Variants in RASGEF1C observed in about 807,000 individuals in gnomAD.
RASGEF1C encodes the protein RasGEF domain family member 1C, also known as ras-GEF domain-containing family member 1C.
Under a neutral mutation model 58.1 loss-of-function variants are expected in RASGEF1C, and 27 were observed. That is an observed-to-expected ratio of 0.46 (90% CI 0.34 to 0.64). RASGEF1C has a LOEUF of 0.64. Ranked by LOEUF, RASGEF1C falls within the 30% of genes least tolerant of loss-of-function variation. The pLI is 0.01. For missense variants in RASGEF1C, 502 were observed against 605.1 expected (o/e 0.83, Z 1.79); for synonymous variants, 243 against 246.3 (o/e 0.99, Z 0.13).
At chr5:180,127,740 A>C (rs1766288360) in intron 5 of RASGEF1C, 57 bp from the exon 6 acceptor site, 30 of 1,532,028 alleles carry the variant, frequency 2.0e-5, no homozygotes, top group Non-Finnish European at 2.6e-5. Context: ...GGGGGTGTCC[A>C]CTGGGGGGCC....
chr5:180,125,842 A>G (rs1766247741), intron 6 of RASGEF1C, among the ~76,000 whole-genome samples: 1 of 152,166 alleles, frequency 6.6e-6, no homozygotes, highest in Non-Finnish European at 1.5e-5. Context: ...TATAATCCAT[A>G]TAACCAAAAG....
At chr5:180,206,059 TC>T (rs1238075559) in intron 1 of RASGEF1C, among the ~76,000 whole-genome samples, 1 of 151,388 alleles carries the variant, frequency 6.6e-6, no homozygotes, top group Non-Finnish European at 1.5e-5. Flanking sequence ...ATATATTTTT[TC>T]TCTCTCTCTC....
At chr5:180,112,315 C>T (rs1765971721) in intron 11 of RASGEF1C, among the ~76,000 whole-genome samples, 1 of 152,238 alleles carries the variant, frequency 6.6e-6, no homozygotes, top group Admixed American at 6.5e-5. Context: ...CTAACAAGGC[C>T]TGTGGGTAGC....
chr5:180,159,708 T>C (rs1383304512), intron 1 of RASGEF1C, among the ~76,000 whole-genome samples: 7 of 152,228 alleles, frequency 4.6e-5, no homozygotes, highest in African/African-American at 1.4e-4. Context: ...CCCCCTTAAC[T>C]GATCCACAGG....
rs963612856 is a variant in RASGEF1C at position 180,168,692 on chromosome 5, G to T, written c.-6-30634C>A. Among the ~76,000 whole-genome samples the T allele has an allele frequency of 1.3e-5, 2 of 152,204 alleles. No homozygotes were observed. Among genetic ancestry groups the T allele is most frequent in the African/African-American group, 4.8e-5 (2 of 41,446 alleles). On this transcript the variant is annotated intron_variant, in intron 1 of 13. Transcript: ENST00000361132. This position sits in a 1 kb window ranked among gnomAD's most constrained non-coding sequence, Gnocchi z 6.0. The stretch of plus-strand genomic sequence containing the variant: ...GGCAACAGCTCCTCCCCTCAGAGAG[G>T]AAGGCCTCGCCCTCTTGGAATTCTG...
chr5:180,118,540 A>C (rs1269476806), intron 10 of RASGEF1C, 69 bp downstream of exon 10: 3 of 1,365,536 alleles, frequency 2.2e-6, no homozygotes, highest in Non-Finnish European at 2.0e-6. Flanking sequence ...GAGCTGCAGC[A>C]AGTGAACTCT....
intron 11 of RASGEF1C, among the ~76,000 whole-genome samples, chr5:180,112,667 C>T (rs527714966): frequency 6.6e-6 from 1 of 152,350 alleles, no homozygotes; most frequent in African/African-American, 2.4e-5. Context: ...CCTACAGACT[C>T]GGGGTCCAGC....
chr5:180,117,825 C>T (rs1035926706), intron 10 of RASGEF1C, among the ~76,000 whole-genome samples: 1 of 151,992 alleles, frequency 6.6e-6, no homozygotes, highest in Non-Finnish European at 1.5e-5. Context: ...GAAACTCCGC[C>T]TCTACTAAAA....
At chr5:180,119,616 C>A (rs962623408) in intron 7 of RASGEF1C, among the ~76,000 whole-genome samples, 168 bp from the exon 8 acceptor site, 1 of 152,162 alleles carries the variant, frequency 6.6e-6, no homozygotes, top group Non-Finnish European at 1.5e-5. Flanking sequence ...GCTGAGCCAG[C>A]AGAGCCCAAT....
chr5:180,176,692 G>A (rs1767231263), intron 1 of RASGEF1C, among the ~76,000 whole-genome samples: 1 of 152,052 alleles, frequency 6.6e-6, no homozygotes, highest in Non-Finnish European at 1.5e-5. Flanking sequence ...GAGTAGCTGG[G>A]ACTATAGGCG....
At chr5:180,174,576 G>C (rs1353722028) in intron 1 of RASGEF1C, among the ~76,000 whole-genome samples, 3 of 147,974 alleles carry the variant, frequency 2.0e-5, no homozygotes, top group Non-Finnish European at 3.0e-5. Flanking sequence ...ACGTGTGTCT[G>C]TGTGTGCGCA....
chr5:180,126,299 G>C (rs1034967981), intron 6 of RASGEF1C, among the ~76,000 whole-genome samples: 41 of 152,026 alleles, frequency 2.7e-4, no homozygotes, highest in African/African-American at 8.9e-4. Context: ...CCCAGCTATT[G>C]GGGAGGCTGA....
At position 180,168,140 on chromosome 5, in the gene RASGEF1C, C is replaced by CA. The variant is rs1292901959; in HGVS notation, c.-6-30083dup. Reference sequence around the variant, plus strand: ...AAAACAAAACAAAAACAAAAACAAACAAAAAAAAGGCCAGGCGCAGTGGCT... The same window carrying CA: ...AAAACAAAACAAAAACAAAAACAAACAAAAAAAAAGGCCAGGCGCAGTGGCT... On this transcript the variant is annotated intron_variant, in intron 1 of 13. Coordinates refer to ENST00000361132, the MANE Select transcript of RASGEF1C (RefSeq NM_175062.4). The surrounding 1 kb of genome is among the most constrained non-coding windows in gnomAD (Gnocchi z 6.0). Among the ~76,000 whole-genome samples, 8 of 151,582 alleles carry CA rather than the reference C, an allele frequency of 5.3e-5. No individual in the cohort carries two copies. The highest frequency in any genetic ancestry group is 3.9e-4 in the East Asian group (2 of 5,182).
chr5:180,185,127 C>T (rs1235395165), intron 1 of RASGEF1C, among the ~76,000 whole-genome samples: 1 of 151,774 alleles, frequency 6.6e-6, no homozygotes, highest in Admixed American at 6.6e-5. Flanking sequence ...CCCATCTCTA[C>T]TAAAAATACA....
intron 1 of RASGEF1C, among the ~76,000 whole-genome samples, chr5:180,179,160 C>A (rs1474618379): frequency 2.6e-5 from 4 of 152,152 alleles, no homozygotes; most frequent in Non-Finnish European, 4.4e-5. Context: ...GCATTCTGCG[C>A]AGATTGGGAG....
chr5:180,118,316 T>C (rs1766103758), intron 10 of RASGEF1C, among the ~76,000 whole-genome samples: 1 of 152,000 alleles, frequency 6.6e-6, no homozygotes, highest in Non-Finnish European at 1.5e-5. Context: ...TCTGAAGAAC[T>C]GGTGAGCAGA....
At chr5:180,144,612 C>G (rs1766636420) in intron 1 of RASGEF1C, among the ~76,000 whole-genome samples, 1 of 152,020 alleles carries the variant, frequency 6.6e-6, no homozygotes. Context: ...GCACTCCAGC[C>G]TGGGTGACAG....
chr5:180,134,836 G>A (rs13176496), intron 4 of RASGEF1C, among the ~76,000 whole-genome samples: 3,801 of 5,424 alleles, frequency 0.7, 1,192 homozygotes, highest in South Asian at 0.81. Context: ...CTCCTTTCTA[G>A]CATTCACCCA....
Position 180,198,198 on chromosome 5 carries a change from C to G in RASGEF1C, c.-7+10830G>C, listed in dbSNP as rs1030233000. 1.3e-5 allele frequency among the ~76,000 whole-genome samples: 2 copies of G among 152,234 alleles called. No individual in the cohort carries two copies. Among genetic ancestry groups the G allele is most frequent in the Non-Finnish European group, 2.9e-5 (2 of 68,044 alleles). The stretch of plus-strand genomic sequence containing the variant: ...ACAGGCAGGACAAAAGCGCACCCTT[C>G]TGCAGGCCCCAGCCCCAGACAGCGC... On this transcript the variant is annotated intron_variant, in intron 1 of 13. Transcript: ENST00000361132. The surrounding 1 kb of genome is among the most constrained non-coding windows in gnomAD (Gnocchi z 4.5).
Sources: gnomAD v4.1 joint callset for allele counts (sites outside exome capture counted in the v4.1 genomes callset) on GRCh38, gnomAD v4.1.1 for gene constraint, Gnocchi (gnomAD v3.1) non-coding constraint, MANE v1.5 for transcripts, NCBI Gene and HGNC (gene_info 2026-07-23, HGNC 2026-07-21) for gene names.